Variants in SH3D19 observed in about 807,000 individuals in gnomAD.
SH3D19 encodes the protein SH3 domain containing 19, also known as SH3 domain-containing protein 19.
Under a neutral mutation model 112.1 loss-of-function variants are expected in SH3D19, and 58 were observed. The observed-to-expected ratio is 0.52, with a 90% CI of 0.42 to 0.64. The LOEUF is 0.64. Among genes scored for constraint, SH3D19 ranks in the 30% least tolerant of loss-of-function variants. The pLI is 0.00. For missense variants in SH3D19, 1,090 were observed against 1,263.4 expected (o/e 0.86, Z 2.08); for synonymous variants, 391 against 448.5 (o/e 0.87, Z 1.62).
In SH3D19 at chr4:151,120,987, T is replaced by C. The variant is rs1747903075; in HGVS notation, c.*1104A>G. ...ACTTTTATCTTAAGCTTAGAATTTA[T>C]AACAATGGAAAGCAGGAAAGTGGTT... On this transcript the variant is annotated 3_prime_UTR_variant, in exon 20 of 20. Coordinates refer to ENST00000604030, the MANE Select transcript of SH3D19 (RefSeq NM_001378122.1). 1 of 152,638 alleles carries C rather than the reference T, an allele frequency of 6.6e-6. No homozygotes were observed. The highest frequency in any genetic ancestry group is 2.4e-5 in the African/African-American group (1 of 41,458). The allele number at this position is 152,638 out of a possible 1,614,324, so 9.5% of individuals were successfully genotyped here. A position where few individuals can be genotyped will look rare whatever the true frequency, so the allele number is the denominator to read the frequency against.
At chr4:151,203,431 T>G (rs1764676070) in intron 2 of SH3D19, among the ~76,000 whole-genome samples, 1 of 152,230 alleles carries the variant, frequency 6.6e-6, no homozygotes, top group South Asian at 2.1e-4. Context: ...GGTCCTCAGA[T>G]TCTCTGTTAT....
At chr4:151,272,866 A>G (rs1190142751) in intron 1 of SH3D19, among the ~76,000 whole-genome samples, 1 of 151,998 alleles carries the variant, frequency 6.6e-6, no homozygotes, top group Non-Finnish European at 1.5e-5. Context: ...AGAGGGTTCA[A>G]ATGGTAACAG....
chr4:151,185,431 CAGTGATTACTCTA>C (rs1761632627), intron 3 of SH3D19, among the ~76,000 whole-genome samples: 1 of 152,138 alleles, frequency 6.6e-6, no homozygotes, highest in South Asian at 2.1e-4. Flanking sequence ...TTGCTTATAA[CAGTGATTACTCTA>C]AGTTATATCT....
Position 151,137,959 on chromosome 4 carries a change from T to C in SH3D19, c.2297-97A>G, listed in dbSNP as rs144611775. The stretch of plus-strand genomic sequence containing the variant: ...ATTTAGTTGTGTCCACTGAGGCAGT[T>C]ATGTTCCACTGATTCTGAGAACAGA... On this transcript the variant is annotated intron_variant, in intron 13 of 19. Transcript: ENST00000604030. The C allele has an allele frequency of 9.7e-3, 8,841 of 911,646 alleles. 60 individuals are homozygous for C. The highest frequency in any genetic ancestry group is 0.012 in the Non-Finnish European group (7,547 of 640,354). 56.5% of individuals were successfully genotyped at this position (911,646 alleles called of 1,614,324 possible).
intron 1 of SH3D19, among the ~76,000 whole-genome samples, chr4:151,297,371 T>C (rs1212083407): frequency 2.0e-5 from 3 of 152,242 alleles, no homozygotes; most frequent in Non-Finnish European, 4.4e-5. Context: ...GCCATTCTTA[T>C]GACACTTAGC....
chr4:151,246,297 T>C (rs979969470), intron 1 of SH3D19, among the ~76,000 whole-genome samples: 1 of 152,230 alleles, frequency 6.6e-6, no homozygotes, highest in East Asian at 1.9e-4. Flanking sequence ...ATTAAGGTTG[T>C]GTATCTATCC....
chr4:151,307,196 T>TTTTG (rs1729006309), intron 1 of SH3D19, among the ~76,000 whole-genome samples: 3 of 150,886 alleles, frequency 2.0e-5, no homozygotes, highest in Admixed American at 6.6e-5. Flanking sequence ...TTTTTTTTTT[T>TTTTG]TATTTTTAGT....
chr4:151,267,042 G>T (rs1294824150), intron 1 of SH3D19, among the ~76,000 whole-genome samples: 1 of 151,996 alleles, frequency 6.6e-6, no homozygotes, highest in Non-Finnish European at 1.5e-5. Context: ...TTTTCAGCTG[G>T]GTGTGGTGGC....
chr4:151,297,554 T>C (rs1355262776), intron 1 of SH3D19, among the ~76,000 whole-genome samples: 3 of 152,196 alleles, frequency 2.0e-5, no homozygotes, highest in African/African-American at 7.2e-5. Context: ...ACATATTGTT[T>C]GGATTTGGAT....
intron 2 of SH3D19, among the ~76,000 whole-genome samples, chr4:151,188,894 T>C (rs1000697385): frequency 6.6e-6 from 1 of 152,096 alleles, no homozygotes; most frequent in Non-Finnish European, 1.5e-5. Context: ...ACACTGGAGT[T>C]GGATGGGCCC....
chr4:151,214,064 T>C (rs1766466036), intron 2 of SH3D19, among the ~76,000 whole-genome samples: 3 of 147,582 alleles, frequency 2.0e-5, no homozygotes, highest in Non-Finnish European at 4.5e-5. Flanking sequence ...GGAGTGATGA[T>C]GACTCTTAAC....
chr4:151,286,198 A>AC (rs537902163), intron 1 of SH3D19, among the ~76,000 whole-genome samples: 76 of 149,986 alleles, frequency 5.1e-4, no homozygotes, highest in South Asian at 4.0e-3. Flanking sequence ...AAAAAAAAAA[A>AC]AAAAAACAAC....
chr4:151,225,001 A>T (rs991141707), intron 2 of SH3D19, among the ~76,000 whole-genome samples: 2 of 152,268 alleles, frequency 1.3e-5, no homozygotes, highest in Admixed American at 1.3e-4. Context: ...CTGGAAAAAA[A>T]ATCAGTCAAT....
At position 151,175,474 on chromosome 4, in the gene SH3D19, T is replaced by C; in HGVS notation, c.730A>G (p.Lys244Glu). The stretch of plus-strand genomic sequence containing the variant: ...CTGATTTTCTGTTGACTTTGCTCTT[T>C]AATGTGAGAATCTCTGGGTATTGGT... Reference protein sequence around the residue: ...LRPIPRDSHIKEQSQQKISPA... With the variant: ...LRPIPRDSHIEEQSQQKISPA... Residue 244 changes from lysine to glutamate, a missense_variant, in exon 7 of 20, where the codon AAA becomes GAA. Lys to Glu is a moderately conservative substitution (Grantham distance 56). Transcript: ENST00000604030. The C allele has an allele frequency of 2.0e-6, 3 of 1,491,096 alleles. No individual in the cohort carries two copies. Among genetic ancestry groups the C allele is most frequent in the Non-Finnish European group, 2.7e-6 (3 of 1,125,132 alleles). 92.4% of individuals were successfully genotyped at this position (1,491,096 alleles called of 1,614,324 possible). A position where few individuals can be genotyped will look rare whatever the true frequency, so the allele number is the denominator to read the frequency against.
chr4:151,132,536 T>C, intron 16 of SH3D19, among the ~76,000 whole-genome samples, 153 bp from the exon 17 acceptor site: 1 of 152,238 alleles, frequency 6.6e-6, no homozygotes, highest in Non-Finnish European at 1.5e-5. Flanking sequence ...TGCGTTAACC[T>C]GTACTAACTT....
At chr4:151,301,261 CTT>C (rs1453993249) in intron 1 of SH3D19, among the ~76,000 whole-genome samples, 2 of 152,206 alleles carry the variant, frequency 1.3e-5, no homozygotes, top group Non-Finnish European at 2.9e-5. Context: ...GAGTTTTGCT[CTT>C]GTTGCCCAGG....
At position 151,120,741 on chromosome 4, in the gene SH3D19, T is replaced by C. The variant is rs1478329221; in HGVS notation, c.*1350A>G. On this transcript the variant is annotated 3_prime_UTR_variant, in exon 20 of 20. Coordinates refer to ENST00000604030, the MANE Select transcript of SH3D19 (RefSeq NM_001378122.1). ...GTCACGTAAAAGTGTGGCCACTTGT[T>C]GCTTAACTTTTTGGACAATGGGAAA... The C allele has an allele frequency of 1.3e-5, 2 of 152,438 alleles. No homozygotes were observed. Among genetic ancestry groups the C allele is most frequent in the Admixed American group, 1.3e-4 (2 of 15,266 alleles). The allele number at this position is 152,438 out of a possible 1,614,324, so 9.4% of individuals were successfully genotyped here.
At position 151,137,762 on chromosome 4, in the gene SH3D19, G is replaced by A. The variant is rs200411948; in HGVS notation, c.2397C>T (p.Gly799=). 1.2e-6 allele frequency: 2 copies of A among 1,602,488 alleles called. No individual in the cohort carries two copies. Among genetic ancestry groups the A allele is most frequent in the African/African-American group, 2.7e-5 (2 of 74,294 alleles). The part of the protein sequence containing the change: ...WYRGNCRNQI[G]IFPANYVKVI... The stretch of plus-strand genomic sequence containing the variant: ...CTTTGACATAGTTGGCAGGAAATAT[G>A]CCAATCTGGTTTCTACAGTTCCCTC... Residue 799 remains glycine, a synonymous_variant, in exon 14 of 20, where the codon GGC becomes GGT. Transcript: ENST00000604030.
chr4:151,300,921 A>G (rs917461955), intron 1 of SH3D19, among the ~76,000 whole-genome samples: 1 of 152,220 alleles, frequency 6.6e-6, no homozygotes, highest in African/African-American at 2.4e-5. Flanking sequence ...TTGACTGACT[A>G]TATGTAGGCA....
Sources: allele counts gnomAD v4.1 joint callset (sites outside exome capture counted in the v4.1 genomes callset), GRCh38; gene constraint gnomAD v4.1.1; transcripts MANE v1.5; gene names NCBI Gene and HGNC (gene_info 2026-07-23, HGNC 2026-07-21).